Variants in HEATR3 observed in about 807,000 individuals in gnomAD.
HEATR3 encodes HEAT repeat-containing protein 3.
In HEATR3, 56 loss-of-function variants were observed where a neutral mutation model predicts 72.8. That is an observed-to-expected ratio of 0.77 (90% CI 0.62 to 0.96). The LOEUF (loss-of-function observed/expected upper bound fraction) is 0.96, where lower values mean the gene tolerates loss of function less well. HEATR3 is among the 40% of genes least tolerant of loss of function. HEATR3 has a pLI of 0.00. For missense variants in HEATR3, 747 were observed against 831.4 expected (o/e 0.90, Z 1.25); for synonymous variants, 331 against 318.1 (o/e 1.04, Z -0.43).
chr16:50,073,015 T>G (rs2036646969), intron 5 of HEATR3: 3 of 288,980 alleles, frequency 1.0e-5, no homozygotes, highest in Admixed American at 5.2e-5. Context: ...TTCATCTCCA[T>G]TTACTAAGAA....
At chr16:50,104,839 C>T (rs2037446667) in intron 14 of HEATR3, 100 bp from the exon 15 acceptor site, 1 of 1,096,488 alleles carries the variant, frequency 9.1e-7, no homozygotes, top group Non-Finnish European at 1.3e-6. Context: ...CAGCTATCTG[C>T]TTCAGCAAAT....
chr16:50,104,968 C>T lies in HEATR3; in HGVS notation c.1950C>T (p.Ser650=), dbSNP rs146939916. The part of the protein sequence containing the change: ...KIRKEGRGNY[S]TDQLCVLDNV... ...GTAAAGAAGGGAGAGGTAACTATAG[C>T]ACAGATCAGCTGTGTGTTCTTGACA... Residue 650 remains serine (S), a synonymous_variant, in exon 15 of 15, where the codon AGC becomes AGT. Coordinates refer to ENST00000299192, the MANE Select transcript of HEATR3 (RefSeq NM_182922.4). The T allele has an allele frequency of 1.2e-6, 2 of 1,610,654 alleles. No homozygotes were observed. The highest frequency in any genetic ancestry group is 2.7e-5 in the African/African-American group (2 of 74,708).
chr16:50,084,184 G>T lies in HEATR3; in HGVS notation c.1183G>T (p.Ala395Ser), dbSNP rs763042933. ...GCTTTCTAGCAGTGATGAAAGTGAC[G>T]CATTTATGGAGAATTCCTTCAGTGA... ...EELSSSDESD[A>S]FMENSFSECG... The change falls in exon 9 of 15, where the codon GCA becomes TCA. Residue 395 changes from alanine (A) to serine (S), a missense_variant. This residue lies in a region of HEATR3 where 586 missense variants were observed against 708.8 expected (regional missense o/e 0.83). Transcript: ENST00000299192. 2.5e-6 allele frequency: 4 copies of T among 1,613,994 alleles called. No individual in the cohort carries two copies. Among genetic ancestry groups the T allele is most frequent in the Admixed American group, 1.7e-5 (1 of 59,992 alleles).
At chr16:50,101,486 T>C (rs1317764962) in intron 13 of HEATR3, among the ~76,000 whole-genome samples, 4 of 152,196 alleles carry the variant, frequency 2.6e-5, no homozygotes, top group Non-Finnish European at 4.4e-5. Flanking sequence ...AAATTATCTG[T>C]TTACAGAGAG....
chr16:50,084,157 G>C lies in HEATR3; in HGVS notation c.1156G>C (p.Glu386Gln). 4 of 1,614,170 alleles carry C rather than the reference G, an allele frequency of 2.5e-6. No homozygotes were observed. The highest frequency in any genetic ancestry group is 3.4e-6 in the Non-Finnish European group (4 of 1,180,026). ...AGATCCCTCTGATGACGAATGGGAA[G>C]AGCTTTCTAGCAGTGATGAAAGTGA... ...NEDPSDDEWE[E>Q]LSSSDESDAF... Residue 386 changes from glutamate to glutamine, a missense_variant, in exon 9 of 15, where the codon GAG becomes CAG. By Grantham distance (29) the Glu-to-Gln change is conservative. Around this residue, in one of 2 missense-constraint regions of HEATR3, gnomAD observed 586 missense variants for 708.8 expected, o/e 0.83. Coordinates refer to ENST00000299192, the MANE Select transcript of HEATR3 (RefSeq NM_182922.4).
chr16:50,088,905 G>T (rs2037046954), intron 11 of HEATR3, among the ~76,000 whole-genome samples: 1 of 151,128 alleles, frequency 6.6e-6, no homozygotes, highest in Non-Finnish European at 1.5e-5. Flanking sequence ...TCAGCTCTGG[G>T]CCATTTCTCA....
chr16:50,098,637 C>A (rs1284846441), intron 12 of HEATR3, among the ~76,000 whole-genome samples: 1 of 151,730 alleles, frequency 6.6e-6, no homozygotes, highest in Non-Finnish European at 1.5e-5. Context: ...GCCTGGGCGA[C>A]AGAGCGATAC....
chr16:50,100,239 C>T lies in HEATR3; in HGVS notation c.1609C>T (p.Pro537Ser), dbSNP rs1390432958. 3 of 1,613,708 alleles carry T rather than the reference C, an allele frequency of 1.9e-6. No individual in the cohort carries two copies. Among genetic ancestry groups the T allele is most frequent in the Admixed American group, 3.3e-5 (2 of 59,982 alleles). The part of the protein sequence containing the change: ...ASKNISQCMT[P>S]DQLMTLCKAG... ...TCTTCTCTTTTAACAGTGCATGACT[C>T]CTGATCAGCTGATGACATTATGCAA... is the stretch of plus-strand genomic sequence containing the variant. Residue 537 changes from proline to serine, a missense_variant, in exon 13 of 15, where the codon CCT (proline) becomes TCT (serine). By Grantham distance (74) the Pro-to-Ser change is moderately conservative. This residue lies in a region of HEATR3 where 586 missense variants were observed against 708.8 expected (regional missense o/e 0.83). Coordinates refer to ENST00000299192, the MANE Select transcript of HEATR3 (RefSeq NM_182922.4).
chr16:50,066,919 G>C (rs1443130344), intron 2 of HEATR3: 2 of 205,618 alleles, frequency 9.7e-6, no homozygotes, highest in Non-Finnish European at 1.9e-5. Context: ...TCTGTTGACA[G>C]CCAAGATCCC....
chr16:50,083,513 A>G (rs1310290706), intron 7 of HEATR3, among the ~76,000 whole-genome samples: 2 of 152,192 alleles, frequency 1.3e-5, no homozygotes, highest in Admixed American at 6.5e-5. Context: ...CAAGAAAGAC[A>G]TCTAAGCTAA....
intron 4 of HEATR3, among the ~76,000 whole-genome samples, chr16:50,071,132 C>A (rs2036601468): frequency 6.6e-6 from 1 of 152,162 alleles, no homozygotes; most frequent in Admixed American, 6.5e-5. Flanking sequence ...AGTGGACTTG[C>A]CGCTAGGAAT....
chr16:50,076,655 A>G (rs1411730241), intron 6 of HEATR3, among the ~76,000 whole-genome samples: 1 of 151,354 alleles, frequency 6.6e-6, no homozygotes, highest in East Asian at 1.9e-4. Context: ...TTCCCATCTC[A>G]GCCTCCCAAG....
chr16:50,082,472 C>T (rs981167252), intron 7 of HEATR3, among the ~76,000 whole-genome samples: 6 of 151,958 alleles, frequency 3.9e-5, no homozygotes, highest in African/African-American at 1.5e-4. Flanking sequence ...AATTAGCACA[C>T]ACACAAAGCA....
At chr16:50,096,324 C>CAAAAAAAAAAAAAAAAAA (rs59995532) in intron 12 of HEATR3, among the ~76,000 whole-genome samples, 17 of 86,792 alleles carry the variant, frequency 2.0e-4, no homozygotes, top group East Asian at 3.6e-4. Context: ...GACTCCGTCT[C>CAAAAAAAAAAAAAAAAAA]AAAAAAAAAA....
intron 4 of HEATR3, among the ~76,000 whole-genome samples, chr16:50,072,172 G>A (rs9938131): frequency 1 from 151,973 of 152,320 alleles, 75,813 homozygotes; most frequent in Middle Eastern, 1. Flanking sequence ...ATTGTGGTAT[G>A]GAGGAAAGAA....
rs750422117 is a variant in HEATR3 at position 50,083,927 on chromosome 16, T to G, written c.1042-10T>G. On this transcript the variant is annotated splice_polypyrimidine_tract_variant and intron_variant, in intron 7 of 14. Coordinates refer to ENST00000299192, the MANE Select transcript of HEATR3 (RefSeq NM_182922.4). ...AGAGTTGGTCATTTACTTTTTTTTTTTTTTTTAAGCCCACTGACAAGGAAC... is the reference window on the plus strand; with the variant it reads ...AGAGTTGGTCATTTACTTTTTTTTTGTTTTTTAAGCCCACTGACAAGGAAC... 5.7e-6 allele frequency: 9 copies of G among 1,584,352 alleles called. No homozygotes were observed. In the Admixed American group the frequency reaches 9.5e-5, roughly 17 times the overall value.
At chr16:50,084,702 A>T (rs1333294515) in intron 10 of HEATR3, 51 bp downstream of exon 10, 1 of 1,368,370 alleles carries the variant, frequency 7.3e-7, no homozygotes, top group Non-Finnish European at 1.0e-6. Flanking sequence ...TATTTTATGA[A>T]ATGATGGGCT....
intron 12 of HEATR3, among the ~76,000 whole-genome samples, chr16:50,098,604 C>G (rs2037298044): frequency 6.6e-6 from 1 of 151,928 alleles, no homozygotes; most frequent in East Asian, 1.9e-4. Context: ...TGCAGTGAGC[C>G]AAGATCGGGC....
intron 5 of HEATR3, 85 bp from the exon 6 acceptor site, chr16:50,075,486 C>A: frequency 2.4e-6 from 3 of 1,254,640 alleles, no homozygotes; most frequent in Admixed American, 1.9e-5. Flanking sequence ...GGTAATGATA[C>A]AATGTTTTAT....
Sources: allele counts gnomAD v4.1 joint callset (sites outside exome capture counted in the v4.1 genomes callset), GRCh38; gene constraint gnomAD v4.1.1; regional missense constraint gnomAD v4.1.1; transcripts MANE v1.5; gene names NCBI Gene and HGNC (gene_info 2026-07-23, HGNC 2026-07-21).